KIN: variants seen among roughly 807,000 people sequenced by gnomAD.
KIN encodes DNA/RNA-binding protein KIN17.
A neutral mutation model predicts 63.0 loss-of-function variants in KIN; 47 were observed. That is an observed-to-expected ratio of 0.75 (90% CI 0.59 to 0.95). The LOEUF (loss-of-function observed/expected upper bound fraction) is 0.95, where lower values mean the gene tolerates loss of function less well. Ranked by LOEUF, KIN falls within the 40% of genes least tolerant of loss-of-function variation. KIN has a pLI of 0.00. For missense variants in KIN, 408 were observed against 460.9 expected (o/e 0.89, Z 1.05); for synonymous variants, 160 against 157.7 (o/e 1.01, Z -0.11).
Position 7,757,941 on chromosome 10 carries a change from C to T in KIN, c.1120-1799G>A, listed in dbSNP as rs145628575. Among the ~76,000 whole-genome samples the T allele has an allele frequency of 4.9e-3, 733 of 149,402 alleles. 10 individuals are homozygous for T. Among genetic ancestry groups the T allele is most frequent in the African/African-American group, 0.017 (672 of 40,492 alleles). ...TCAAATATTATCAACGACATGAAAA[C>T]TTAAGGTGCCAGAAATGATAAAAAT... On this transcript the variant is annotated intron_variant, in intron 12 of 12. Transcript: ENST00000379562.
In KIN at chr10:7,760,009, T is replaced by C. The variant is rs772413009; in HGVS notation, c.1019-19A>G. On this transcript the variant is annotated intron_variant, in intron 11 of 12. Coordinates refer to ENST00000379562, the MANE Select transcript of KIN (RefSeq NM_012311.4). Reference sequence around the variant, plus strand: ...CTTTTTCCTATGATGGAAAAGAATATAAAAATTAATGTGAAGAAATATCTC... The same window carrying C: ...CTTTTTCCTATGATGGAAAAGAATACAAAAATTAATGTGAAGAAATATCTC... The C allele has an allele frequency of 4.3e-6, 5 of 1,172,964 alleles. No individual in the cohort carries two copies. The highest frequency in any genetic ancestry group is 1.4e-5 in the South Asian group (1 of 70,754). 72.7% of individuals were successfully genotyped at this position (1,172,964 alleles called of 1,614,324 possible). A position where few individuals can be genotyped will look rare whatever the true frequency, so the allele number is the denominator to read the frequency against.
chr10:7,764,537 C>T (rs766346975), intron 9 of KIN, among the ~76,000 whole-genome samples: 5 of 152,166 alleles, frequency 3.3e-5, no homozygotes, highest in Non-Finnish European at 7.3e-5. Context: ...AAGAGATGGT[C>T]AAGTATTTCA....
chr10:7,760,373 T>C (rs556557389), intron 11 of KIN, among the ~76,000 whole-genome samples: 10 of 150,266 alleles, frequency 6.7e-5, no homozygotes, highest in Non-Finnish European at 1.3e-4. Flanking sequence ...TTTAAACTTA[T>C]ACCTAACATG....
chr10:7,758,104 C>G (rs1835368642), intron 12 of KIN, among the ~76,000 whole-genome samples: 1 of 138,138 alleles, frequency 7.2e-6, no homozygotes, highest in South Asian at 2.3e-4. Context: ...GAGACGGAGT[C>G]TCGCTGTCAC....
intron 1 of KIN, among the ~76,000 whole-genome samples, 159 bp from the exon 2 acceptor site, chr10:7,783,334 A>T (rs10458814): frequency 0.81 from 122,613 of 152,008 alleles, 49,607 homozygotes; most frequent in East Asian, 0.86. Context: ...TTCAAAAAAA[A>T]TTTTTATAGA....
intron 12 of KIN, among the ~76,000 whole-genome samples, chr10:7,757,181 A>C (rs1835346974): frequency 6.6e-6 from 1 of 152,326 alleles, no homozygotes; most frequent in South Asian, 2.1e-4. Flanking sequence ...TTCAACTCTA[A>C]TTATTATTTA....
Position 7,787,850 on chromosome 10 carries a change from G to T in KIN, c.84C>A (p.Cys28Ter). Reference sequence around the variant, plus strand: ...CCCGGCACTGCTTCTGGCACATCTGGCAATACCAGCGTAGCTTCTGCAGCC... The same window carrying T: ...CCCGGCACTGCTTCTGGCACATCTGTCAATACCAGCGTAGCTTCTGCAGCC... ...SKGLQKLRWY[C>*]QMCQKQCRDE... Residue 28 changes from cysteine (C) to a stop codon, truncating the protein, a stop_gained, in exon 1 of 13, where the codon TGC becomes TGA. Transcript: ENST00000379562. LOFTEE classifies it high-confidence loss of function. The T allele has an allele frequency of 6.2e-7, 1 of 1,614,072 alleles. No individual in the cohort carries two copies. The highest frequency in any genetic ancestry group is 8.5e-7 in the Non-Finnish European group (1 of 1,179,914).
intron 11 of KIN, 127 bp from the exon 12 acceptor site, chr10:7,760,117 C>A (rs1419041909): frequency 1.9e-6 from 1 of 514,328 alleles, no homozygotes; most frequent in Non-Finnish European, 3.3e-6. Context: ...CTTAGAAGTT[C>A]TCAATCATTT....
chr10:7,777,568 G>A (rs551277197), intron 5 of KIN, among the ~76,000 whole-genome samples: 2 of 152,282 alleles, frequency 1.3e-5, no homozygotes, highest in South Asian at 4.1e-4. Flanking sequence ...TACACACCAG[G>A]CTATATTTGC....
At chr10:7,766,363 T>C in intron 8 of KIN, 1 of 376,914 alleles carries the variant, frequency 2.7e-6, no homozygotes, top group South Asian at 3.5e-5. Context: ...ACAACTCCTA[T>C]TCAGCTGAAA....
In KIN at chr10:7,752,201, T is replaced by C. The variant is rs1240909032; in HGVS notation, c.*3879A>G. On this transcript the variant is annotated 3_prime_UTR_variant, in exon 13 of 13. Transcript: ENST00000379562. Reference sequence around the variant, plus strand: ...TTCGATAAAGAACACAACTGAAATATACAAACAACTCTTAAAATTCAACAA... The same window carrying C: ...TTCGATAAAGAACACAACTGAAATACACAAACAACTCTTAAAATTCAACAA... 1.3e-5 allele frequency: 2 copies of C among 152,004 alleles called. No homozygotes were observed. Among genetic ancestry groups the C allele is most frequent in the East Asian group, 1.9e-4 (1 of 5,182 alleles). 9.4% of individuals were successfully genotyped at this position (152,004 alleles called of 1,614,324 possible).
intron 12 of KIN, among the ~76,000 whole-genome samples, chr10:7,758,460 G>A (rs1212213800): frequency 6.6e-6 from 1 of 152,172 alleles, no homozygotes; most frequent in African/African-American, 2.4e-5. Context: ...TTCTACCTCA[G>A]TACAGAAGAT....
intron 5 of KIN, among the ~76,000 whole-genome samples, chr10:7,776,596 T>C (rs1248751518): frequency 6.6e-6 from 1 of 151,504 alleles, no homozygotes; most frequent in Non-Finnish European, 1.5e-5. Flanking sequence ...CCCGGCATGG[T>C]GGCGGGCGCC....
At chr10:7,785,052 C>T (rs1293506439) in intron 1 of KIN, among the ~76,000 whole-genome samples, 2 of 151,656 alleles carry the variant, frequency 1.3e-5, no homozygotes, top group Admixed American at 1.3e-4. Flanking sequence ...GAGTTTGAGA[C>T]CAGCCTGGGC....
intron 7 of KIN, among the ~76,000 whole-genome samples, chr10:7,770,791 A>G (rs1332513647): frequency 6.6e-6 from 1 of 152,260 alleles, no homozygotes; most frequent in African/African-American, 2.4e-5. Flanking sequence ...AGTAGAGAAT[A>G]CAACAGATTT....
intron 1 of KIN, among the ~76,000 whole-genome samples, 182 bp from the exon 2 acceptor site, chr10:7,783,357 A>T (rs1332820537): frequency 6.6e-6 from 1 of 152,216 alleles, no homozygotes; most frequent in Non-Finnish European, 1.5e-5. Context: ...TGAGCTTTCA[A>T]CTCTGCTAAT....
intron 11 of KIN, chr10:7,761,412 C>T (rs1835433612): frequency 6.6e-6 from 1 of 152,070 alleles, no homozygotes; most frequent in Non-Finnish European, 1.5e-5. Flanking sequence ...AGTGTTTGTA[C>T]TCAGATACGG....
chr10:7,787,385 G>C (rs925855730), intron 1 of KIN, among the ~76,000 whole-genome samples: 1 of 152,204 alleles, frequency 6.6e-6, no homozygotes, highest in African/African-American at 2.4e-5. Flanking sequence ...TAGATGAGTA[G>C]TGTGGAAGAG....
chr10:7,771,216 G>A (rs756223484), intron 7 of KIN, among the ~76,000 whole-genome samples: 1 of 152,262 alleles, frequency 6.6e-6, no homozygotes, highest in Admixed American at 6.5e-5. Flanking sequence ...GGGATCCAGG[G>A]ATAATTCAGA....
Sources: gnomAD v4.1 joint callset for allele counts (sites outside exome capture counted in the v4.1 genomes callset) on GRCh38, gnomAD v4.1.1 for gene constraint, MANE v1.5 for transcripts, NCBI Gene and HGNC (gene_info 2026-07-23, HGNC 2026-07-21) for gene names.